GNB5: variants seen among roughly 807,000 people sequenced by gnomAD.
GNB5 encodes the protein G protein subunit beta 5, also known as guanine nucleotide-binding protein subunit beta-5.
GNB5 carries 37 observed loss-of-function variants against 55.3 expected under a neutral mutation model. That is an observed-to-expected ratio of 0.67 (90% confidence interval 0.51 to 0.88). The LOEUF (loss-of-function observed/expected upper bound fraction) is 0.88. Among genes scored for constraint, GNB5 ranks in the 40% least tolerant of loss-of-function variants. GNB5 has a pLI of 0.00. For missense variants in GNB5, 476 were observed against 515.3 expected, an observed-to-expected ratio of 0.92 and a Z score of 0.74; for synonymous variants, 219 against 198.5, an observed-to-expected ratio of 1.10 and a Z score of -0.87.
Position 52,179,824 on chromosome 15 carries a change from G to A in GNB5, c.182C>T (p.Ala61Val). ...CTCCAGCTTGCCCTTGAGGCTCTCG[G>A]CCTCGCTCTTCAGCGACGCCAGCGT... ...NETLASLKSE[A>V]ESLKGKLEEE... The change falls in exon 3 of 13, where the codon GCC (alanine) becomes GTC (valine). Residue 61 changes from alanine to valine, a missense_variant. Physicochemically the swap from Ala to Val is moderately conservative, Grantham distance 64. Coordinates refer to ENST00000261837, the MANE Select transcript of GNB5 (RefSeq NM_016194.4). 6.4e-7 allele frequency: 1 copy of A among 1,554,666 alleles called. No individual in the cohort carries two copies. The highest frequency in any genetic ancestry group is 8.7e-7 in the Non-Finnish European group (1 of 1,151,836).
Position 52,185,792 on chromosome 15 carries a change from A to ATTATTT in GNB5, c.-18-1104_-18-1099dup, listed in dbSNP as rs1555409570. 2.8e-5 allele frequency among the ~76,000 whole-genome samples: 4 copies of ATTATTT among 143,336 alleles called. No homozygotes were observed. The East Asian group carries it at 8.1e-4, about 29-fold the overall frequency. 94.0% of individuals were successfully genotyped at this position (143,336 alleles called of 152,430 possible). ...TATTATTATTATTATTATTATTATTATTATTTGGGACAGTATCTCTCTGTC... is the reference window on the plus strand; with the variant it reads ...TATTATTATTATTATTATTATTATTATTATTTTTATTTGGGACAGTATCTCTCTGTC... On this transcript the variant is annotated intron_variant, in intron 1 of 12. Transcript: ENST00000261837.
Position 52,161,610 on chromosome 15 carries a change from C to T in GNB5, c.239-7534G>A, listed in dbSNP as rs139485747. ...GCCACCGTGCCCAGCCATACCTCTT[C>T]GAGGTAGCCAGATCAATGGGTCACA... On this transcript the variant is annotated intron_variant, in intron 3 of 12. Coordinates refer to ENST00000261837, the MANE Select transcript of GNB5 (RefSeq NM_016194.4). Among the ~76,000 whole-genome samples, 335 of 152,300 alleles carry T rather than the reference C, an allele frequency of 2.2e-3. 3 individuals carry two copies. The highest frequency in any genetic ancestry group is 7.7e-3 in the African/African-American group (322 of 41,552).
At chr15:52,145,671 T>G (rs1352802009) in intron 6 of GNB5, among the ~76,000 whole-genome samples, 5 of 151,882 alleles carry the variant, frequency 3.3e-5, no homozygotes, top group Admixed American at 3.3e-4. Flanking sequence ...GAAATACATG[T>G]ATGTGAACAT....
Position 52,135,893 on chromosome 15 carries a change from A to ACCCC in GNB5, c.628-138_628-137insGGGG. The ACCCC allele has an allele frequency of 1.0e-5, 7 of 672,108 alleles. No individual in the cohort carries two copies. In the East Asian group the frequency reaches 1.5e-4, roughly 14 times the overall value. 41.6% of individuals were successfully genotyped at this position (672,108 alleles called of 1,614,324 possible). The stretch of plus-strand genomic sequence containing the variant: ...CACACACACACACACACACACACAC[A>ACCCC]CCCTACCTGCTGTATCTGGGTTCAT... On this transcript the variant is annotated intron_variant, in intron 7 of 12. Transcript: ENST00000261837.
intron 11 of GNB5, chr15:52,125,612 C>T (rs2033403697): frequency 5.5e-6 from 1 of 181,452 alleles, no homozygotes; most frequent in African/African-American, 2.4e-5. Context: ...CTCCACCTTA[C>T]AGAAAAGTTC....
chr15:52,148,591 A>C (rs1203883559), intron 5 of GNB5, among the ~76,000 whole-genome samples: 1 of 152,234 alleles, frequency 6.6e-6, no homozygotes, highest in African/African-American at 2.4e-5. Context: ...GCATATCTGC[A>C]TGCAGGAGGA....
chr15:52,157,997 G>T (rs1304266968), intron 3 of GNB5, among the ~76,000 whole-genome samples: 1 of 151,710 alleles, frequency 6.6e-6, no homozygotes, highest in Non-Finnish European at 1.5e-5. Context: ...CCTTCTGGAG[G>T]ACCATTCCTC....
intron 7 of GNB5, among the ~76,000 whole-genome samples, chr15:52,140,803 T>A (rs28412228): frequency 2.6e-5 from 4 of 152,124 alleles, no homozygotes; most frequent in African/African-American, 7.2e-5. Flanking sequence ...GACAGCTCAG[T>A]GAAGCTTTAC....
chr15:52,166,413 T>G (rs1193219538), intron 3 of GNB5, among the ~76,000 whole-genome samples: 1 of 152,198 alleles, frequency 6.6e-6, no homozygotes, highest in Admixed American at 6.5e-5. Context: ...ATGCCATTAC[T>G]CTAAAATTGA....
chr15:52,123,457 T>C (rs2033328419), intron 12 of GNB5: 1 of 152,064 alleles, frequency 6.6e-6, no homozygotes, highest in Non-Finnish European at 1.5e-5. Context: ...GTCATCCTCT[T>C]CTGAGATGCC....
intron 7 of GNB5, chr15:52,139,750 C>A: frequency 1.7e-6 from 2 of 1,165,524 alleles, no homozygotes; most frequent in Non-Finnish European, 2.2e-6. Flanking sequence ...GCCGAGGTAG[C>A]CAGCTGTGAC....
intron 7 of GNB5, chr15:52,137,330 T>C (rs2033747603): frequency 9.3e-7 from 1 of 1,070,214 alleles, no homozygotes; most frequent in Admixed American, 5.0e-5. Flanking sequence ...CCCAGTGTGG[T>C]GATATCTGAG....
At chr15:52,171,266 G>C (rs2034549992) in intron 3 of GNB5, among the ~76,000 whole-genome samples, 1 of 152,152 alleles carries the variant, frequency 6.6e-6, no homozygotes, top group African/African-American at 2.4e-5. Context: ...GACATGGGGA[G>C]CTACTCAATC....
chr15:52,160,913 C>T (rs549706741), intron 3 of GNB5, among the ~76,000 whole-genome samples: 1 of 152,346 alleles, frequency 6.6e-6, no homozygotes, highest in African/African-American at 2.4e-5. Flanking sequence ...CCATGATACC[C>T]TTGTACTGTA....
chr15:52,137,436 G>T, intron 7 of GNB5: 1 of 1,019,190 alleles, frequency 9.8e-7, no homozygotes, highest in Non-Finnish European at 1.2e-6. Flanking sequence ...AATGAAAGGT[G>T]AGCCCGTTCA....
At chr15:52,124,745 G>A (rs2033377632) in intron 11 of GNB5, 106 bp from the exon 12 acceptor site, 1 of 940,434 alleles carries the variant, frequency 1.1e-6, no homozygotes, top group Non-Finnish European at 1.7e-6. Flanking sequence ...CAGGCGCACT[G>A]AGTCCTAGGC....
intron 9 of GNB5, among the ~76,000 whole-genome samples, chr15:52,130,238 T>A (rs1288579211): frequency 6.6e-6 from 1 of 152,162 alleles, no homozygotes; most frequent in East Asian, 1.9e-4. Flanking sequence ...CCTAATTAAT[T>A]CAGTGTATAA....
chr15:52,169,087 G>A (rs8040458), intron 3 of GNB5, among the ~76,000 whole-genome samples: 7,767 of 152,286 alleles, frequency 0.051, 675 homozygotes, highest in African/African-American at 0.18. Flanking sequence ...ATTTTGGGAG[G>A]CCAGTGTGGA....
chr15:52,153,873 A>G, intron 4 of GNB5, 67 bp downstream of exon 4: 1 of 1,366,074 alleles, frequency 7.3e-7, no homozygotes, highest in Non-Finnish European at 1.0e-6. Flanking sequence ...GGAAAGGGAC[A>G]GCTCTCCTCC....
Sources: allele counts gnomAD v4.1 joint callset (sites outside exome capture counted in the v4.1 genomes callset), GRCh38; gene constraint gnomAD v4.1.1; transcripts MANE v1.5; gene names NCBI Gene and HGNC (gene_info 2026-07-23, HGNC 2026-07-21).